Variants in HSD17B12 observed in about 807,000 individuals in gnomAD.
HSD17B12 encodes very-long-chain 3-oxoacyl-CoA reductase.
HSD17B12 carries 32 observed loss-of-function variants against 39.3 expected under a neutral mutation model. The observed-to-expected ratio is 0.81, with a 90% CI of 0.61 to 1.09. HSD17B12 has a LOEUF of 1.09. Ranked by LOEUF, HSD17B12 falls within the 50% of genes least tolerant of loss-of-function variation. HSD17B12 has a pLI of 0.00. For synonymous variants in HSD17B12, 150 were observed against 146.7 expected, an observed-to-expected ratio of 1.02 and a Z score of -0.16; for missense variants, 342 against 382.9, an observed-to-expected ratio of 0.89 and a Z score of 0.89.
chr11:43,781,789 G>A (rs2135012259), intron 3 of HSD17B12, among the ~76,000 whole-genome samples: 1 of 152,156 alleles, frequency 6.6e-6, no homozygotes, highest in African/African-American at 2.4e-5. Flanking sequence ...ATTAACTAAT[G>A]CTTTTTAAGG....
the HSD17B12 span, among the ~76,000 whole-genome samples, chr11:43,584,296 G>A: frequency 3.3e-5 from 5 of 152,200 alleles, no homozygotes; most frequent in Non-Finnish European, 7.3e-5. Context: ...TGCTTGGAAG[G>A]CTTGCTATGA....
intron 1 of HSD17B12, among the ~76,000 whole-genome samples, chr11:43,717,989 G>T (rs992995347): frequency 3.9e-5 from 6 of 151,922 alleles, no homozygotes; most frequent in Non-Finnish European, 1.5e-5. Context: ...ATTTTTAGTA[G>T]AGATGGAATT....
At chr11:43,687,258 C>T (rs1296989201) in intron 1 of HSD17B12, among the ~76,000 whole-genome samples, 2 of 152,156 alleles carry the variant, frequency 1.3e-5, no homozygotes, top group Non-Finnish European at 2.9e-5. Context: ...GTTAGGGAGG[C>T]AGGGTGAGCA....
At chr11:43,676,208 G>GGTGTGTGTGT (rs56092553), upstream of HSD17B12, among the ~76,000 whole-genome samples, 4,187 of 147,608 alleles carry the variant, frequency 0.028, 116 homozygotes, top group African/African-American at 0.062. Flanking sequence ...AGAGGAAGAG[G>GGTGTGTGTGT]GTGTGTGTGT....
chr11:43,843,194 A>G (rs1287303102), intron 9 of HSD17B12, among the ~76,000 whole-genome samples: 2 of 152,234 alleles, frequency 1.3e-5, no homozygotes, highest in Non-Finnish European at 2.9e-5. Flanking sequence ...CACAGTCGTC[A>G]TTCTGTGTGA....
At chr11:43,734,391 C>A in intron 1 of HSD17B12, 1 of 815,800 alleles carries the variant, frequency 1.2e-6, no homozygotes, top group Non-Finnish European at 2.2e-6. Context: ...ATCATCTCTG[C>A]TGAGGGTGAC....
At chr11:43,729,928 T>C (rs1950253526) in intron 1 of HSD17B12, among the ~76,000 whole-genome samples, 1 of 152,190 alleles carries the variant, frequency 6.6e-6, no homozygotes, top group South Asian at 2.1e-4. Flanking sequence ...TTCTTTTAAT[T>C]CAGTTATTCA....
At chr11:43,719,477 A>C (rs1054158496) in intron 1 of HSD17B12, among the ~76,000 whole-genome samples, 2 of 152,102 alleles carry the variant, frequency 1.3e-5, no homozygotes, top group African/African-American at 4.8e-5. Context: ...CCAGAGTTTG[A>C]AGGGTATTAG....
chr11:43,727,064 T>C (rs1243744613), intron 1 of HSD17B12, among the ~76,000 whole-genome samples: 2 of 152,218 alleles, frequency 1.3e-5, no homozygotes, highest in African/African-American at 2.4e-5. Flanking sequence ...TTAAATATAC[T>C]TTATATTAAG....
chr11:43,848,086 A>C (rs1396909438), intron 9 of HSD17B12, among the ~76,000 whole-genome samples: 1 of 152,184 alleles, frequency 6.6e-6, no homozygotes, highest in Admixed American at 6.5e-5. Flanking sequence ...TCTTCCTGTT[A>C]ATTGCCAGTG....
At chr11:43,768,532 T>C (rs951452719) in intron 3 of HSD17B12, among the ~76,000 whole-genome samples, 1 of 151,800 alleles carries the variant, frequency 6.6e-6, no homozygotes, top group Non-Finnish European at 1.5e-5. Context: ...TCCCCTTGAG[T>C]GTTATATAGC....
the HSD17B12 span, among the ~76,000 whole-genome samples, chr11:43,607,490 T>C: frequency 3.3e-5 from 5 of 152,206 alleles, no homozygotes; most frequent in African/African-American, 7.2e-5. Context: ...ATATTTTAAA[T>C]GTATGTTCTT....
rs1473902429 is a variant in HSD17B12, at chr11:43,855,507, C to A, written c.*259C>A. 2 of 209,274 alleles carry A rather than the reference C, an allele frequency of 9.6e-6. No homozygotes were observed. Among genetic ancestry groups the A allele is most frequent in the Non-Finnish European group, 1.9e-5 (2 of 106,476 alleles). 13.0% of individuals were successfully genotyped at this position (209,274 alleles called of 1,614,324 possible). A position where few individuals can be genotyped will look rare whatever the true frequency, so the allele number is the denominator to read the frequency against. On this transcript the variant is annotated 3_prime_UTR_variant, in exon 11 of 11. Coordinates refer to ENST00000278353, the MANE Select transcript of HSD17B12 (RefSeq NM_016142.3). ...TATAGAACTAATATTGTCGGGAACA[C>A]CTAATAGAAAGGAATACTATTATAG...
the HSD17B12 span, among the ~76,000 whole-genome samples, chr11:43,605,571 A>G: frequency 5.3e-5 from 8 of 151,778 alleles, no homozygotes; most frequent in African/African-American, 1.7e-4. Flanking sequence ...CAAAAAAAAA[A>G]AAAAAAAAAG....
At chr11:43,591,096 GTT>G in the HSD17B12 span, among the ~76,000 whole-genome samples, 1 of 151,918 alleles carries the variant, frequency 6.6e-6, no homozygotes, top group Non-Finnish European at 1.5e-5. Context: ...AAGAGGAAAA[GTT>G]TCCCCCCAGT....
the HSD17B12 span, among the ~76,000 whole-genome samples, chr11:43,633,474 G>A: frequency 6.6e-6 from 1 of 152,228 alleles, no homozygotes; most frequent in Non-Finnish European, 1.5e-5. Context: ...AGAGGTTGCA[G>A]TGAGCTGAGA....
the HSD17B12 span, among the ~76,000 whole-genome samples, chr11:43,643,090 G>A: frequency 6.6e-6 from 1 of 152,022 alleles, no homozygotes; most frequent in African/African-American, 2.4e-5. Context: ...GGAAAAATCA[G>A]ACATTATGTA....
At chr11:43,604,795 C>T in the HSD17B12 span, among the ~76,000 whole-genome samples, 6 of 152,048 alleles carry the variant, frequency 3.9e-5, no homozygotes, top group African/African-American at 1.4e-4. Context: ...TTAAAAATTG[C>T]CTAAAATTGA....
upstream of HSD17B12, among the ~76,000 whole-genome samples, chr11:43,679,616 A>C (rs551059056): frequency 1.3e-5 from 2 of 152,172 alleles, no homozygotes; most frequent in Non-Finnish European, 2.9e-5. Flanking sequence ...CAAAAAAGGG[A>C]AATTTAAAAA....
Sources: allele counts gnomAD v4.1 joint callset (sites outside exome capture counted in the v4.1 genomes callset), GRCh38; gene constraint gnomAD v4.1.1; transcripts MANE v1.5; gene names NCBI Gene and HGNC (gene_info 2026-07-23, HGNC 2026-07-21).